Variants in KIAA2012 observed in about 807,000 individuals in gnomAD.
The protein encoded by KIAA2012 is KIAA2012.
In KIAA2012, 125 loss-of-function variants were observed where a neutral mutation model predicts 150.6. The ratio of observed to expected loss-of-function variants is 0.83; its 90% CI spans 0.72 to 0.96. The LOEUF (loss-of-function observed/expected upper bound fraction) is 0.96, where lower values mean the gene tolerates loss of function less well. KIAA2012 is among the 40% of genes least tolerant of loss of function. KIAA2012 has a pLI of 0.00. For missense variants in KIAA2012, 1,219 were observed against 1,354.9 expected, an observed-to-expected ratio of 0.90 and a Z score of 1.57; for synonymous variants, 462 against 504.7, an observed-to-expected ratio of 0.92 and a Z score of 1.13.
chr2:202,155,988 C>T (rs1691518011), intron 14 of KIAA2012, among the ~76,000 whole-genome samples: 1 of 152,124 alleles, frequency 6.6e-6, no homozygotes, highest in Non-Finnish European at 1.5e-5. Context: ...ATGCCATTGG[C>T]CCACCCTGGA....
At chr2:202,113,504 A>G in intron 11 of KIAA2012, 58 bp downstream of exon 11, 1 of 1,234,982 alleles carries the variant, frequency 8.1e-7, no homozygotes, top group Non-Finnish European at 1.1e-6. Context: ...GGAAGATGTT[A>G]CCTGCAGCTT....
intron 21 of KIAA2012, among the ~76,000 whole-genome samples, chr2:202,195,880 G>A (rs530326155): frequency 6.6e-6 from 1 of 152,154 alleles, no homozygotes; most frequent in Non-Finnish European, 1.5e-5. Context: ...TGGATAAGTA[G>A]TGTTCCATCA....
At chr2:202,103,537 A>G (rs183385253) in intron 8 of KIAA2012, among the ~76,000 whole-genome samples, 2 of 152,334 alleles carry the variant, frequency 1.3e-5, no homozygotes, top group East Asian at 3.9e-4. Context: ...GACATCTGAG[A>G]TGAATTCATG....
rs745600595 is a variant in KIAA2012 at position 202,093,093 on chromosome 2, CACA to C, written c.598_600del (p.Gln200del). Reference sequence around the variant, plus strand: ...CTTAATGTACCAAAGAAGCTCAGGCCACAACAAGATCTTTCAGGTGTACCCCCA... The same window carrying C: ...CTTAATGTACCAAAGAAGCTCAGGCCACAAGATCTTTCAGGTGTACCCCCA... On this transcript the variant is annotated inframe_deletion, in exon 4 of 24. Coordinates refer to ENST00000498697, the MANE Select transcript of KIAA2012 (RefSeq NM_001277372.4). The C allele has an allele frequency of 2.7e-5, 42 of 1,550,070 alleles. No individual in the cohort carries two copies. The highest frequency in any genetic ancestry group is 3.6e-5 in the Non-Finnish European group (41 of 1,146,436).
At chr2:202,167,678 T>C (rs1225070105) in intron 15 of KIAA2012, among the ~76,000 whole-genome samples, 1 of 151,956 alleles carries the variant, frequency 6.6e-6, no homozygotes, top group Non-Finnish European at 1.5e-5. Context: ...TCTCGGCCTC[T>C]AAAAATTTTT....
chr2:202,160,684 A>G (rs575208647), intron 14 of KIAA2012, among the ~76,000 whole-genome samples: 1 of 152,332 alleles, frequency 6.6e-6, no homozygotes, highest in East Asian at 1.9e-4. Flanking sequence ...ACTACCTTGA[A>G]GTTGAAACTT....
chr2:202,201,335 G>A, intron 22 of KIAA2012: 1 of 1,584,816 alleles, frequency 6.3e-7, no homozygotes. Context: ...GAGAAGTGCT[G>A]AAGGTATGTG....
intron 21 of KIAA2012, among the ~76,000 whole-genome samples, chr2:202,195,964 G>A (rs1253034683): frequency 1.3e-5 from 2 of 152,010 alleles, no homozygotes; most frequent in African/African-American, 4.8e-5. Flanking sequence ...TATCTTGGCT[G>A]TTGGGAAGAG....
At chr2:202,168,636 T>TC (rs1691823712) in intron 15 of KIAA2012, among the ~76,000 whole-genome samples, 2 of 152,134 alleles carry the variant, frequency 1.3e-5, no homozygotes, top group Non-Finnish European at 1.5e-5. Flanking sequence ...ATGCATGTAG[T>TC]CCTCTGCTTA....
chr2:202,121,071 A>C (rs996067326), intron 11 of KIAA2012, among the ~76,000 whole-genome samples: 1 of 152,124 alleles, frequency 6.6e-6, no homozygotes. Context: ...CCTTAAAAGG[A>C]AACTGTTTGC....
intron 12 of KIAA2012, chr2:202,125,775 T>A: frequency 2.3e-6 from 1 of 427,422 alleles, no homozygotes; most frequent in Non-Finnish European, 4.6e-6. Flanking sequence ...CATGGAGAGA[T>A]CTGCAAAAAC....
At chr2:202,110,600 A>AT in intron 10 of KIAA2012, among the ~76,000 whole-genome samples, 1 of 152,304 alleles carries the variant, frequency 6.6e-6, no homozygotes, top group African/African-American at 2.4e-5. Flanking sequence ...CAGATTGTAT[A>AT]AAGAAAGAGG....
chr2:202,105,302 T>G (rs997285646), intron 8 of KIAA2012, among the ~76,000 whole-genome samples: 1 of 139,606 alleles, frequency 7.2e-6, no homozygotes, highest in African/African-American at 2.7e-5. Context: ...AGGAAGGAAT[T>G]TGTTCATGCA....
chr2:202,073,369 G>T lies in KIAA2012; in HGVS notation c.-259G>T. 1 of 395,750 alleles carries T rather than the reference G, an allele frequency of 2.5e-6. No individual in the cohort carries two copies. The highest frequency in any genetic ancestry group is 4.6e-6 in the Non-Finnish European group (1 of 217,408). 24.5% of individuals were successfully genotyped at this position (395,750 alleles called of 1,614,324 possible). Reference sequence around the variant, plus strand: ...GAGAAGGGGAGAGACAGGTCGCCCAGAGAGTAGACAATCCAGGGCTTGAGG... The same window carrying T: ...GAGAAGGGGAGAGACAGGTCGCCCATAGAGTAGACAATCCAGGGCTTGAGG... On this transcript the variant is annotated 5_prime_UTR_variant, in exon 1 of 24. It introduces an in-frame stop codon into an upstream open reading frame of the 5' UTR. Transcript: ENST00000498697.
At chr2:202,134,665 T>C (rs894882182) in intron 12 of KIAA2012, among the ~76,000 whole-genome samples, 4 of 152,172 alleles carry the variant, frequency 2.6e-5, no homozygotes, top group African/African-American at 9.7e-5. Context: ...AGTGATTCTC[T>C]TGCCTCGGCC....
At chr2:202,091,063 G>T in intron 3 of KIAA2012, 134 bp downstream of exon 3, 1 of 1,195,212 alleles carries the variant, frequency 8.4e-7, no homozygotes, top group African/African-American at 1.5e-5. Context: ...AAGTCCCCAC[G>T]CTTGGTAGCC....
intron 11 of KIAA2012, chr2:202,114,445 A>G (rs1251814795): frequency 6.0e-6 from 1 of 167,180 alleles, no homozygotes; most frequent in Admixed American, 6.5e-5. Context: ...AATTGGTGGA[A>G]GCAGGAGTTA....
intron 19 of KIAA2012, 79 bp from the exon 20 acceptor site, chr2:202,193,222 C>G: frequency 7.4e-7 from 1 of 1,351,594 alleles, no homozygotes; most frequent in Non-Finnish European, 1.0e-6. Flanking sequence ...TTAGAGACAA[C>G]ACTGTCTGGG....
intron 21 of KIAA2012, among the ~76,000 whole-genome samples, chr2:202,196,186 C>CTT (rs869092899): frequency 1.1e-3 from 87 of 79,678 alleles, no homozygotes; most frequent in African/African-American, 2.1e-3. Context: ...CTTTTCTTTT[C>CTT]TTTTTTTTTT....
Sources: allele counts gnomAD v4.1 joint callset (sites outside exome capture counted in the v4.1 genomes callset), GRCh38; gene constraint gnomAD v4.1.1; transcripts MANE v1.5; gene names NCBI Gene and HGNC (gene_info 2026-07-23, HGNC 2026-07-21).